Variants in WDR64 observed in about 807,000 individuals in gnomAD.
WDR64 encodes WD repeat-containing protein 64.
In WDR64, 112 loss-of-function variants were observed where a neutral mutation model predicts 139.3. That is an observed-to-expected ratio of 0.80 (90% confidence interval 0.69 to 0.94). WDR64 has a LOEUF of 0.94. Ranked by LOEUF, WDR64 falls within the 40% of genes least tolerant of loss-of-function variation. The probability of loss-of-function intolerance (pLI) is 0.00; values close to 1 mark genes in which losing one functional copy is unlikely to be tolerated. For missense variants in WDR64, 1,206 were observed against 1,293.1 expected, an observed-to-expected ratio of 0.93 and a Z score of 1.03; for synonymous variants, 444 against 437.7, an observed-to-expected ratio of 1.01 and a Z score of -0.18.
chr1:241,767,184 A>G (rs1558515631), intron 16 of WDR64, among the ~76,000 whole-genome samples: 1 of 151,796 alleles, frequency 6.6e-6, no homozygotes, highest in Admixed American at 6.6e-5. Flanking sequence ...TGGGTAGCAT[A>G]TCCTTCTCAT....
intron 7 of WDR64, among the ~76,000 whole-genome samples, chr1:241,685,226 T>C (rs1167085546): frequency 4.0e-5 from 6 of 151,184 alleles, no homozygotes; most frequent in Admixed American, 4.0e-4. Flanking sequence ...CTAAAATACA[T>C]TCAGATTTCA....
intron 12 of WDR64, among the ~76,000 whole-genome samples, chr1:241,742,764 T>C (rs990172505): frequency 6.6e-6 from 1 of 152,178 alleles, no homozygotes; most frequent in Non-Finnish European, 1.5e-5. Flanking sequence ...TTGTGTGAGA[T>C]CCAAGAACCC....
intron 8 of WDR64, among the ~76,000 whole-genome samples, chr1:241,696,143 C>CAAAAAAAAAAAAA (rs1553366775): frequency 5.7e-5 from 3 of 52,906 alleles, no homozygotes; most frequent in African/African-American, 9.9e-5. Context: ...AAAAAAAAAG[C>CAAAAAAAAAAAAA]ATTAGTCTGA....
chr1:241,681,888 A>AT (rs960446698), intron 6 of WDR64, among the ~76,000 whole-genome samples: 2 of 151,854 alleles, frequency 1.3e-5, no homozygotes, highest in Non-Finnish European at 2.9e-5. Context: ...GACGCTGATC[A>AT]TTTTTTTCCA....
At chr1:241,690,543 T>C (rs1667179738) in intron 8 of WDR64, among the ~76,000 whole-genome samples, 1 of 152,020 alleles carries the variant, frequency 6.6e-6, no homozygotes, top group Non-Finnish European at 1.5e-5. Flanking sequence ...AAGACAAGAA[T>C]TACTTGTGAT....
chr1:241,796,002 T>C (rs1166162138), intron 26 of WDR64, among the ~76,000 whole-genome samples: 1 of 152,062 alleles, frequency 6.6e-6, no homozygotes, highest in Non-Finnish European at 1.5e-5. Flanking sequence ...AACCCTGGGA[T>C]TTTGGGAGGC....
intron 4 of WDR64, chr1:241,677,269 A>G (rs1666593056): frequency 2.5e-6 from 1 of 398,182 alleles, no homozygotes; most frequent in Non-Finnish European, 4.4e-6. Context: ...AGAAAGAGAA[A>G]CAGAAACCAC....
chr1:241,675,113 C>T (rs1666468210), intron 4 of WDR64, among the ~76,000 whole-genome samples: 2 of 98,304 alleles, frequency 2.0e-5, no homozygotes, highest in African/African-American at 4.5e-5. Flanking sequence ...TCCTTCCTTC[C>T]TCCCTCCCTC....
chr1:241,798,545 G>A (rs1659432497), intron 27 of WDR64, among the ~76,000 whole-genome samples: 1 of 152,116 alleles, frequency 6.6e-6, no homozygotes, highest in South Asian at 2.1e-4. Context: ...CAAATGCCTC[G>A]TTTCATAAAA....
At chr1:241,670,992 A>C in intron 2 of WDR64, 82 bp from the exon 3 acceptor site, 1 of 1,009,242 alleles carries the variant, frequency 9.9e-7, no homozygotes, top group Admixed American at 2.9e-5. Context: ...ACTAGCTTTA[A>C]ATTCAGCCAA....
chr1:241,709,102 G>T (rs752038742), intron 8 of WDR64, among the ~76,000 whole-genome samples: 59 of 152,150 alleles, frequency 3.9e-4, no homozygotes, highest in Admixed American at 1.6e-3. Flanking sequence ...CCTTTGTGAT[G>T]CTCAAATTTA....
At chr1:241,708,367 A>G (rs1277395763) in intron 8 of WDR64, among the ~76,000 whole-genome samples, 1 of 152,250 alleles carries the variant, frequency 6.6e-6, no homozygotes, top group Non-Finnish European at 1.5e-5. Context: ...CCCAGGCCAG[A>G]GTGCAGTGGC....
chr1:241,796,567 A>T (rs1227518230), intron 27 of WDR64, among the ~76,000 whole-genome samples, 197 bp downstream of exon 27: 1 of 150,790 alleles, frequency 6.6e-6, no homozygotes, highest in Non-Finnish European at 1.5e-5. Context: ...ATCTCAGCTC[A>T]CTGCAACCTC....
intron 14 of WDR64, among the ~76,000 whole-genome samples, chr1:241,754,414 G>C (rs1170133440): frequency 6.7e-6 from 1 of 149,984 alleles, no homozygotes; most frequent in East Asian, 1.9e-4. Context: ...CTGCCTCCTG[G>C]GTTCAAGCGA....
At chr1:241,799,733 G>A (rs1659469564) in intron 27 of WDR64, among the ~76,000 whole-genome samples, 1 of 152,162 alleles carries the variant, frequency 6.6e-6, no homozygotes, top group Admixed American at 6.5e-5. Flanking sequence ...ATAATTCAGT[G>A]ATGGGTGAGC....
intron 8 of WDR64, among the ~76,000 whole-genome samples, chr1:241,701,256 A>T (rs1421629778): frequency 2.0e-5 from 3 of 151,818 alleles, no homozygotes; most frequent in African/African-American, 7.3e-5. Flanking sequence ...TTACACACAC[A>T]TACACATGCG....
chr1:241,687,886 T>C (rs983600975), intron 8 of WDR64, among the ~76,000 whole-genome samples: 7 of 152,224 alleles, frequency 4.6e-5, no homozygotes, highest in Admixed American at 1.3e-4. Context: ...AATATAGTTC[T>C]GTTGGTAAAA....
At chr1:241,740,626 T>G (rs1669499720) in intron 11 of WDR64, among the ~76,000 whole-genome samples, 1 of 152,032 alleles carries the variant, frequency 6.6e-6, no homozygotes, top group Admixed American at 6.6e-5. Context: ...CAGTTTTGCT[T>G]GAGCCACAGG....
chr1:241,763,982 T>C (rs1267049529), intron 15 of WDR64, among the ~76,000 whole-genome samples: 1 of 152,148 alleles, frequency 6.6e-6, no homozygotes, highest in Non-Finnish European at 1.5e-5. Flanking sequence ...TTGGCTCAGA[T>C]AGGCAGTTTC....
Sources: allele counts gnomAD v4.1 joint callset (sites outside exome capture counted in the v4.1 genomes callset), GRCh38; gene constraint gnomAD v4.1.1; transcripts MANE v1.5; gene names NCBI Gene and HGNC (gene_info 2026-07-23, HGNC 2026-07-21).